PAG1: variants seen among roughly 807,000 people sequenced by gnomAD.
The protein encoded by PAG1 is phosphoprotein associated with glycosphingolipid-enriched microdomains 1.
A neutral mutation model predicts 31.7 loss-of-function variants in PAG1; 23 were observed. The observed-to-expected ratio is 0.73, with a 90% CI of 0.52 to 1.03. The LOEUF (loss-of-function observed/expected upper bound fraction) is 1.03. Ranked by LOEUF, PAG1 falls within the 50% of genes least tolerant of loss-of-function variation. PAG1 has a pLI of 0.00. For synonymous variants in PAG1, 214 were observed against 210.3 expected (o/e 1.02, Z -0.15); for missense variants, 473 against 540.7 (o/e 0.87, Z 1.24).
In PAG1 at chr8:80,974,919, T is replaced by G. The variant is rs1157040766; in HGVS notation, c.*1625A>C. ...GGCCTTATAAGATCTAAAGAGATGATTAAATTCAAACCAGGCTGAGCTCTT... is the reference window on the plus strand; with the variant it reads ...GGCCTTATAAGATCTAAAGAGATGAGTAAATTCAAACCAGGCTGAGCTCTT... On this transcript the variant is annotated 3_prime_UTR_variant, in exon 9 of 9. Coordinates refer to ENST00000220597, the MANE Select transcript of PAG1 (RefSeq NM_018440.4). The G allele has an allele frequency of 6.6e-6, 1 of 152,236 alleles. No individual in the cohort carries two copies. The highest frequency in any genetic ancestry group is 1.5e-5 in the Non-Finnish European group (1 of 68,042). 9.4% of individuals were successfully genotyped at this position (152,236 alleles called of 1,614,324 possible).
intron 2 of PAG1, among the ~76,000 whole-genome samples, chr8:81,035,927 A>G (rs1037978599): frequency 6.6e-6 from 1 of 152,194 alleles, no homozygotes; most frequent in African/African-American, 2.4e-5. Context: ...ATACACAGTT[A>G]TAAACACATA....
chr8:81,060,554 A>G (rs959334849), intron 2 of PAG1, among the ~76,000 whole-genome samples: 31 of 152,196 alleles, frequency 2.0e-4, no homozygotes, highest in Non-Finnish European at 1.3e-4. Flanking sequence ...AACAAAATAA[A>G]TTTCTCTCAG....
At chr8:81,012,799 C>T (rs1158538461) in intron 3 of PAG1, among the ~76,000 whole-genome samples, 2 of 152,174 alleles carry the variant, frequency 1.3e-5, no homozygotes, top group African/African-American at 4.8e-5. Flanking sequence ...GAGGCACAAC[C>T]AGACATTGTA....
intron 3 of PAG1, among the ~76,000 whole-genome samples, chr8:81,001,568 G>A (rs947680096): frequency 6.6e-6 from 1 of 152,028 alleles, no homozygotes; most frequent in Admixed American, 6.5e-5. Flanking sequence ...TCCCTCCAGG[G>A]CCCCCAAGAG....
intron 6 of PAG1, among the ~76,000 whole-genome samples, chr8:80,985,586 A>G (rs1211677453): frequency 6.6e-6 from 1 of 152,212 alleles, no homozygotes; most frequent in Non-Finnish European, 1.5e-5. Context: ...TCCCAATACA[A>G]GATTTAATAA....
intron 2 of PAG1, among the ~76,000 whole-genome samples, chr8:81,034,615 T>C (rs1023217691): frequency 2.6e-5 from 4 of 152,188 alleles, no homozygotes; most frequent in African/African-American, 4.8e-5. Flanking sequence ...GAAGTGTTGT[T>C]AAATTTGAGC....
At chr8:81,044,970 C>A (rs72674042) in intron 2 of PAG1, among the ~76,000 whole-genome samples, 13 of 152,212 alleles carry the variant, frequency 8.5e-5, no homozygotes, top group Non-Finnish European at 1.8e-4. Context: ...CTATGCTGCA[C>A]CTGGAGTATT....
intron 1 of PAG1, among the ~76,000 whole-genome samples, chr8:81,091,354 C>G (rs1808232344): frequency 6.6e-6 from 1 of 152,120 alleles, no homozygotes; most frequent in South Asian, 2.1e-4. Flanking sequence ...AAACACAATT[C>G]TTTTCTCCTA....
At chr8:81,077,336 AT>A (rs1809195003) in intron 1 of PAG1, among the ~76,000 whole-genome samples, 1 of 152,172 alleles carries the variant, frequency 6.6e-6, no homozygotes, top group Non-Finnish European at 1.5e-5. Flanking sequence ...CTGACCTGGG[AT>A]TTGTTGCTCT....
At chr8:81,012,658 T>A (rs1215945014) in intron 3 of PAG1, among the ~76,000 whole-genome samples, 2 of 152,248 alleles carry the variant, frequency 1.3e-5, no homozygotes, top group South Asian at 2.1e-4. Context: ...TAATTGAATT[T>A]AACACAGCTG....
intron 2 of PAG1, among the ~76,000 whole-genome samples, chr8:81,061,053 T>C (rs4265143): frequency 0.61 from 92,188 of 152,142 alleles, 29,324 homozygotes; most frequent in East Asian, 0.86. Flanking sequence ...AGACTGGATT[T>C]ATTATCATGT....
chr8:80,986,960 A>C (rs1300429166), intron 6 of PAG1, among the ~76,000 whole-genome samples: 1 of 152,172 alleles, frequency 6.6e-6, no homozygotes, highest in African/African-American at 2.4e-5. Flanking sequence ...CAAGTCAATA[A>C]ATTGTTATTT....
intron 2 of PAG1, among the ~76,000 whole-genome samples, chr8:81,044,010 T>C (rs1458016483): frequency 1.3e-5 from 2 of 152,212 alleles, no homozygotes; most frequent in Non-Finnish European, 2.9e-5. Context: ...AAGGATAAAG[T>C]AAACAGCCCA....
intron 7 of PAG1, among the ~76,000 whole-genome samples, chr8:80,983,997 T>C (rs955188310): frequency 1.3e-5 from 2 of 152,220 alleles, no homozygotes; most frequent in African/African-American, 4.8e-5. Context: ...TTAAGGCTAC[T>C]AGTGACTGGC....
At chr8:81,089,436 T>C (rs1321564304) in intron 1 of PAG1, among the ~76,000 whole-genome samples, 2 of 152,010 alleles carry the variant, frequency 1.3e-5, no homozygotes, top group Admixed American at 1.3e-4. Context: ...GGTGTGGTGG[T>C]GGGTGCCTGT....
intron 1 of PAG1, among the ~76,000 whole-genome samples, chr8:81,078,532 T>C (rs1586206536): frequency 6.6e-6 from 1 of 152,274 alleles, no homozygotes; most frequent in South Asian, 2.1e-4. Context: ...AAGAGACACA[T>C]TTTCTTTGGA....
rs564087210 is a variant in PAG1, at chr8:81,062,188, T to C, written c.-175+7924A>G. On this transcript the variant is annotated intron_variant, in intron 2 of 8. Transcript: ENST00000220597. ...GACATCAATTCTGAGGTGCTATCTGTGGCCTATGCCACATTCTCATATACT... is the reference window on the plus strand; with the variant it reads ...GACATCAATTCTGAGGTGCTATCTGCGGCCTATGCCACATTCTCATATACT... Among the ~76,000 whole-genome samples the C allele has an allele frequency of 2.4e-4, 36 of 152,358 alleles. No homozygotes were observed. The South Asian group carries it at 4.8e-3, about 20-fold the overall frequency.
chr8:81,027,176 A>C (rs2130770307), intron 3 of PAG1, among the ~76,000 whole-genome samples: 1 of 152,090 alleles, frequency 6.6e-6, no homozygotes, highest in East Asian at 1.9e-4. Flanking sequence ...ATGCTTGGTT[A>C]ATTTTTGTGG....
intron 3 of PAG1, among the ~76,000 whole-genome samples, chr8:81,018,211 A>G (rs990273800): frequency 1.3e-5 from 2 of 152,242 alleles, no homozygotes; most frequent in African/African-American, 4.8e-5. Context: ...ACCACATAAC[A>G]TTATTGACTA....
Sources: allele counts gnomAD v4.1 joint callset (sites outside exome capture counted in the v4.1 genomes callset), GRCh38; gene constraint gnomAD v4.1.1; transcripts MANE v1.5; gene names NCBI Gene and HGNC (gene_info 2026-07-23, HGNC 2026-07-21).